The following ANKRD30B variants were observed in gnomAD, a reference collection of about 807,000 sequenced individuals.
The protein encoded by ANKRD30B is ankyrin repeat domain 30B, also known as ankyrin repeat domain-containing protein 30B.
In ANKRD30B, 144 loss-of-function variants were observed where a neutral mutation model predicts 202.2. The observed-to-expected ratio is 0.71, with a 90% confidence interval of 0.62 to 0.82. The LOEUF (loss-of-function observed/expected upper bound fraction) is 0.82, where lower values mean the gene tolerates loss of function less well. Ranked by LOEUF, ANKRD30B falls within the 40% of genes least tolerant of loss-of-function variation. The pLI, the probability that ANKRD30B is intolerant of heterozygous loss-of-function variation, is 0.00. For synonymous variants in ANKRD30B, 508 were observed against 561.3 expected, an observed-to-expected ratio of 0.91 and a Z score of 1.34; for missense variants, 1,487 against 1,669.1, an observed-to-expected ratio of 0.89 and a Z score of 1.90.
At chr18:14,754,827 T>G in intron 3 of ANKRD30B, 72 bp from the exon 4 acceptor site, 1 of 1,030,300 alleles carries the variant, frequency 9.7e-7, no homozygotes, top group Non-Finnish European at 1.3e-6. Flanking sequence ...TAATAGGATA[T>G]AATATAAGGT....
chr18:14,784,630 T>C (rs751499900), intron 14 of ANKRD30B, 95 bp downstream of exon 14: 33 of 1,358,738 alleles, frequency 2.4e-5, no homozygotes, highest in Non-Finnish European at 3.3e-5. Context: ...CTTTTAACTT[T>C]GATGAAAAGA....
chr18:14,890,105 CAGAA>C, the ANKRD30B span: 24 of 1,000,060 alleles, frequency 2.4e-5, no homozygotes, highest in Non-Finnish European at 3.7e-5. Flanking sequence ...CAAGGAATCA[CAGAA>C]AGACATGTCA....
chr18:14,940,652 A>G, the ANKRD30B span, among the ~76,000 whole-genome samples: 1 of 152,228 alleles, frequency 6.6e-6, no homozygotes, highest in Admixed American at 6.5e-5. Context: ...ATGATAAAGA[A>G]GGAAAGTCCC....
chr18:14,866,930 G>A, the ANKRD30B span, among the ~76,000 whole-genome samples: 1 of 149,136 alleles, frequency 6.7e-6, no homozygotes, highest in South Asian at 2.1e-4. Flanking sequence ...GGTTGGGTTA[G>A]CTACCATGAG....
rs776405503 is a variant in ANKRD30B, at chr18:14,764,099, C to T, written c.1225+9C>T. On this transcript the variant is annotated intron_variant, in intron 7 of 43. Coordinates refer to ENST00000690538, the MANE Select transcript of ANKRD30B (RefSeq NM_001367607.2). ...AAAAGCAAGTACAAATGGTAAGATGCTTGAGTGAACTTTGCAGGGTTTATT... is the reference window on the plus strand; with the variant it reads ...AAAAGCAAGTACAAATGGTAAGATGTTTGAGTGAACTTTGCAGGGTTTATT... 5.4e-6 allele frequency: 8 copies of T among 1,493,606 alleles called. No individual in the cohort carries two copies. Among genetic ancestry groups the T allele is most frequent in the East Asian group, 4.8e-5 (2 of 41,596 alleles). 92.5% of individuals were successfully genotyped at this position (1,493,606 alleles called of 1,614,324 possible).
intron 34 of ANKRD30B, among the ~76,000 whole-genome samples, chr18:14,832,188 C>A (rs71350505): frequency 6.6e-6 from 1 of 152,082 alleles, no homozygotes; most frequent in African/African-American, 2.4e-5. Flanking sequence ...CATAGCGAGA[C>A]CTTATCTCTA....
At chr18:14,883,396 T>C in the ANKRD30B span, 1 of 71,456 alleles carries the variant, frequency 1.4e-5, no homozygotes, top group African/African-American at 7.0e-5. Context: ...TCTCTCTCTC[T>C]CTCTATATAT....
the ANKRD30B span, among the ~76,000 whole-genome samples, chr18:14,880,719 C>A: frequency 1.3e-5 from 2 of 152,116 alleles, no homozygotes; most frequent in African/African-American, 2.4e-5. Flanking sequence ...GCATGCACCA[C>A]CGTGCTTGGC....
intron 32 of ANKRD30B, chr18:14,825,133 C>T (rs1306232749): frequency 1.3e-5 from 2 of 152,236 alleles, no homozygotes; most frequent in Non-Finnish European, 2.9e-5. Context: ...AAATCCTGAG[C>T]AGGCACCAAT....
intron 40 of ANKRD30B, among the ~76,000 whole-genome samples, chr18:14,849,392 C>G (rs1971792035): frequency 6.6e-6 from 1 of 151,676 alleles, no homozygotes; most frequent in African/African-American, 2.4e-5. Flanking sequence ...TACAGTTCAA[C>G]AAAGACAGTG....
the ANKRD30B span, among the ~76,000 whole-genome samples, chr18:14,871,183 C>T: frequency 2.1e-5 from 2 of 93,688 alleles, no homozygotes; most frequent in Non-Finnish European, 4.7e-5. Context: ...ACACCCTCAC[C>T]CGCACACCCT....
chr18:14,877,893 T>A, the ANKRD30B span: 1 of 152,270 alleles, frequency 6.6e-6, no homozygotes, highest in Non-Finnish European at 1.5e-5. Flanking sequence ...TCCTGATCTG[T>A]TCGTGACCCT....
At chr18:14,797,330 A>G (rs1968975073) in intron 18 of ANKRD30B, among the ~76,000 whole-genome samples, 2 of 152,170 alleles carry the variant, frequency 1.3e-5, no homozygotes, top group Non-Finnish European at 2.9e-5. Flanking sequence ...CTGCACATCC[A>G]TTCACAGGTT....
the ANKRD30B span, among the ~76,000 whole-genome samples, chr18:14,863,850 A>G: frequency 6.6e-6 from 1 of 150,506 alleles, no homozygotes; most frequent in East Asian, 1.9e-4. Flanking sequence ...AGATGCAAAT[A>G]TCCTCAACAA....
intron 14 of ANKRD30B, among the ~76,000 whole-genome samples, chr18:14,784,933 A>G: frequency 6.6e-6 from 1 of 152,074 alleles, no homozygotes; most frequent in Non-Finnish European, 1.5e-5. Context: ...TTTAATATTA[A>G]TTACCTCATT....
downstream of ANKRD30B, among the ~76,000 whole-genome samples, chr18:14,858,730 G>A (rs1972138363): frequency 6.9e-6 from 1 of 145,716 alleles, no homozygotes; most frequent in African/African-American, 2.5e-5. Flanking sequence ...AGACGGGGCG[G>A]CTGGGCAGAG....
rs536775245 is a variant in ANKRD30B at position 14,844,774 on chromosome 18, T to G, written c.3181+1678T>G. Among the ~76,000 whole-genome samples the G allele has an allele frequency of 6.4e-3, 964 of 151,090 alleles. 10 individuals carry two copies. The highest frequency in any genetic ancestry group is 0.014 in the Middle Eastern group (4 of 294). Reference sequence around the variant, plus strand: ...TTTCCTGACTTTTTAATGATCGCCATTCTAACTGGTGTGAGATGGTATCTC... The same window carrying G: ...TTTCCTGACTTTTTAATGATCGCCAGTCTAACTGGTGTGAGATGGTATCTC... On this transcript the variant is annotated intron_variant, in intron 39 of 43. Coordinates refer to ENST00000690538, the MANE Select transcript of ANKRD30B (RefSeq NM_001367607.2).
chr18:14,855,347 C>T (rs1262928499), downstream of ANKRD30B, among the ~76,000 whole-genome samples: 2 of 152,216 alleles, frequency 1.3e-5, no homozygotes, highest in Admixed American at 1.3e-4. Context: ...TCTTCCTTTT[C>T]CCCACATTTC....
chr18:14,784,023 C>T (rs1967920514), intron 12 of ANKRD30B, among the ~76,000 whole-genome samples: 1 of 152,062 alleles, frequency 6.6e-6, no homozygotes, highest in Non-Finnish European at 1.5e-5. Flanking sequence ...TAATGTGTTT[C>T]ATTAAGTATA....
Sources: gnomAD v4.1 joint callset for allele counts (sites outside exome capture counted in the v4.1 genomes callset) on GRCh38, gnomAD v4.1.1 for gene constraint, MANE v1.5 for transcripts, NCBI Gene and HGNC (gene_info 2026-07-23, HGNC 2026-07-21) for gene names.